The following WDR7 variants were observed in gnomAD, a reference collection of about 807,000 sequenced individuals.
WDR7 encodes WD repeat domain 7, also known as WD repeat-containing protein 7.
Under a neutral mutation model 169.4 loss-of-function variants are expected in WDR7, and 46 were observed. That is an observed-to-expected ratio of 0.27 (90% CI 0.21 to 0.35). The LOEUF (loss-of-function observed/expected upper bound fraction) is 0.35. Among genes scored for constraint, WDR7 ranks in the 10% least tolerant of loss-of-function variants. The pLI is 1.00. For missense variants in WDR7, 1,534 were observed against 1,859.3 expected (o/e 0.83, Z 3.22); for synonymous variants, 612 against 666.8 (o/e 0.92, Z 1.27).
At chr18:56,882,294 A>G (rs547559511) in intron 21 of WDR7, among the ~76,000 whole-genome samples, 39 of 152,348 alleles carry the variant, frequency 2.6e-4, no homozygotes, top group African/African-American at 8.9e-4. Context: ...TTAGACTATT[A>G]GAGGTTAATG....
Position 56,691,754 on chromosome 18 carries a change from G to A in WDR7, c.903G>A (p.Gly301=), listed in dbSNP as rs2025575686. The part of the protein sequence containing the change: ...PASDSFRSDV[G]KAVENLIPPV... ...GTGATTCATTCCGCAGTGATGTGGG[G>A]AAGGCAGTTGAAAATTTAATTCCTC... The change falls in exon 9 of 28, where the codon GGG becomes GGA. Residue 301 remains glycine (G), a synonymous_variant. Coordinates refer to ENST00000254442, the MANE Select transcript of WDR7 (RefSeq NM_015285.3). 1 of 1,612,632 alleles carries A rather than the reference G, an allele frequency of 6.2e-7. No homozygotes were observed. The highest frequency in any genetic ancestry group is 8.5e-7 in the Non-Finnish European group (1 of 1,179,646).
At chr18:56,729,621 A>C (rs1321299646) in intron 13 of WDR7, among the ~76,000 whole-genome samples, 1 of 152,086 alleles carries the variant, frequency 6.6e-6, no homozygotes, top group Non-Finnish European at 1.5e-5. Context: ...TACATCATAA[A>C]TTATTGACAC....
chr18:56,819,392 ATCTC>A (rs1352543474), intron 20 of WDR7, among the ~76,000 whole-genome samples: 2 of 152,052 alleles, frequency 1.3e-5, no homozygotes, highest in Non-Finnish European at 2.9e-5. Flanking sequence ...TTCTTTCTCT[ATCTC>A]TCTTTTTAAA....
Position 56,696,310 on chromosome 18 carries a change from G to T in WDR7, c.1426G>T (p.Val476Phe). 6.2e-7 allele frequency: 1 copy of T among 1,614,132 alleles called. No individual in the cohort carries two copies. The highest frequency in any genetic ancestry group is 1.1e-5 in the South Asian group (1 of 91,080). Residue 476 changes from valine to phenylalanine, a missense_variant, in exon 12 of 28, where the codon GTC (valine) becomes TTC (phenylalanine). By Grantham distance (50) the Val-to-Phe change is conservative. Coordinates refer to ENST00000254442, the MANE Select transcript of WDR7 (RefSeq NM_015285.3). ...KVTCLLYPHQ[V>F]SARYDQRYLI... ...CACATGTTTGCTATATCCTCATCAG[G>T]TCTCAGCTCGGTATGATCAAAGATA...
chr18:56,859,427 G>A (rs757766694), intron 20 of WDR7, among the ~76,000 whole-genome samples: 18 of 152,062 alleles, frequency 1.2e-4, no homozygotes, highest in Admixed American at 7.9e-4. Flanking sequence ...TTATCAACCC[G>A]TGCCTCAGGT....
chr18:56,938,429 GTTTA>G (rs1455680418), intron 23 of WDR7, 100 bp from the exon 24 acceptor site: 2 of 1,421,422 alleles, frequency 1.4e-6, no homozygotes, highest in Non-Finnish European at 1.9e-6. Flanking sequence ...CCCACAAGAA[GTTTA>G]TTTTTTTCTA....
intron 26 of WDR7, among the ~76,000 whole-genome samples, chr18:56,982,360 G>A (rs901208681): frequency 4.6e-5 from 7 of 152,136 alleles, no homozygotes; most frequent in Admixed American, 4.6e-4. Context: ...CACAACAAAG[G>A]CTTCCTTTTC....
intron 20 of WDR7, among the ~76,000 whole-genome samples, chr18:56,833,680 C>G (rs896227158): frequency 6.6e-6 from 1 of 152,054 alleles, no homozygotes; most frequent in African/African-American, 2.4e-5. Flanking sequence ...TTTTCTTTAA[C>G]CCCCACCTCA....
intron 21 of WDR7, among the ~76,000 whole-genome samples, chr18:56,893,788 G>A (rs566298264): frequency 6.6e-5 from 10 of 152,132 alleles, no homozygotes; most frequent in Admixed American, 2.6e-4. Context: ...TAGGCCCTTC[G>A]CACTACTTCA....
chr18:56,840,838 G>T (rs572602880), intron 20 of WDR7, among the ~76,000 whole-genome samples: 1 of 150,328 alleles, frequency 6.7e-6, no homozygotes, highest in East Asian at 2.0e-4. Context: ...AAAAAAAAAA[G>T]ACCCCATTTC....
At chr18:56,679,081 G>A (rs1435113314) in intron 2 of WDR7, among the ~76,000 whole-genome samples, 1 of 152,184 alleles carries the variant, frequency 6.6e-6, no homozygotes, top group African/African-American at 2.4e-5. Flanking sequence ...CCTGGCTACT[G>A]CCTATGTTTG....
intron 7 of WDR7, among the ~76,000 whole-genome samples, chr18:56,690,713 G>A (rs969904117): frequency 1.1e-4 from 16 of 152,068 alleles, no homozygotes; most frequent in African/African-American, 3.9e-4. Context: ...TCCCAGCTAG[G>A]CTGAGGTAGG....
intron 26 of WDR7, among the ~76,000 whole-genome samples, chr18:57,017,861 G>A (rs1048615754): frequency 1.3e-5 from 2 of 152,130 alleles, no homozygotes; most frequent in African/African-American, 4.8e-5. Flanking sequence ...AAATAACAAT[G>A]ATCAGTGTCT....
Position 56,993,923 on chromosome 18 carries a change from G to A in WDR7, c.4165-26822G>A, listed in dbSNP as rs73958735. On this transcript the variant is annotated intron_variant, in intron 26 of 27. Coordinates refer to ENST00000254442, the MANE Select transcript of WDR7 (RefSeq NM_015285.3). ...ACATAGTGTTCCTCACTAGTATACC[G>A]CTTACTTTATATTGTCGTTGATTTG... Among the ~76,000 whole-genome samples, 1,160 of 152,100 alleles carry A rather than the reference G, an allele frequency of 7.6e-3. 14 individuals are homozygous for A. The highest frequency in any genetic ancestry group is 0.027 in the African/African-American group (1,112 of 41,486).
At chr18:56,900,755 G>C (rs1459778055) in intron 21 of WDR7, among the ~76,000 whole-genome samples, 3 of 152,166 alleles carry the variant, frequency 2.0e-5, no homozygotes, top group Non-Finnish European at 2.9e-5. Context: ...CTTCAGGGAT[G>C]GGGGCTAGAG....
chr18:56,946,383 C>T (rs962052134), intron 25 of WDR7, among the ~76,000 whole-genome samples: 44 of 152,282 alleles, frequency 2.9e-4, no homozygotes, highest in African/African-American at 9.6e-4. Context: ...AAGACTCAAT[C>T]GAGACATTTC....
At chr18:56,754,412 T>C (rs1158536059) in intron 14 of WDR7, among the ~76,000 whole-genome samples, 1 of 126,580 alleles carries the variant, frequency 7.9e-6, no homozygotes, top group East Asian at 2.9e-4. Context: ...TACACATATA[T>C]ACACACACAA....
intron 1 of WDR7, among the ~76,000 whole-genome samples, chr18:56,671,198 A>G (rs967895635): frequency 3.9e-5 from 6 of 151,954 alleles, no homozygotes; most frequent in African/African-American, 7.3e-5. Context: ...TCTTCCCTCA[A>G]TGTTCAGAGT....
intron 20 of WDR7, among the ~76,000 whole-genome samples, chr18:56,863,053 G>T (rs929160597): frequency 6.6e-6 from 1 of 151,772 alleles, no homozygotes. Context: ...AGTCAAGAAT[G>T]AATTGCTTTT....
Sources: gnomAD v4.1 joint callset for allele counts (sites outside exome capture counted in the v4.1 genomes callset) on GRCh38, gnomAD v4.1.1 for gene constraint, MANE v1.5 for transcripts, NCBI Gene and HGNC (gene_info 2026-07-23, HGNC 2026-07-21) for gene names.